SEMA3A: variants seen among roughly 807,000 people sequenced by gnomAD.
SEMA3A encodes the protein semaphorin 3A.
A neutral mutation model predicts 97.9 loss-of-function variants in SEMA3A; 29 were observed. The observed-to-expected ratio is 0.30, with a 90% CI of 0.22 to 0.40. The LOEUF is 0.40. Among genes scored for constraint, SEMA3A ranks in the 10% least tolerant of loss-of-function variants. The pLI, the probability that SEMA3A is intolerant of heterozygous loss-of-function variation, is 1.00. For synonymous variants in SEMA3A, 321 were observed against 323.7 expected (o/e 0.99, Z 0.09); for missense variants, 763 against 951.3 (o/e 0.80, Z 2.60).
chr7:84,378,996 G>A (rs375245075), intron 1 of SEMA3A, among the ~76,000 whole-genome samples: 3 of 151,464 alleles, frequency 2.0e-5, no homozygotes, highest in Non-Finnish European at 4.4e-5. Flanking sequence ...GCACAATCTC[G>A]GCTCACTTGC....
intron 5 of SEMA3A, among the ~76,000 whole-genome samples, chr7:84,048,255 T>A (rs1018518137): frequency 6.6e-6 from 1 of 151,982 alleles, no homozygotes; most frequent in Non-Finnish European, 1.5e-5. Flanking sequence ...TAAATCTGAA[T>A]TGCTCTCACT....
intron 3 of SEMA3A, among the ~76,000 whole-genome samples, chr7:84,229,882 T>A (rs1160888268): frequency 6.6e-6 from 1 of 151,908 alleles, no homozygotes; most frequent in Non-Finnish European, 1.5e-5. Flanking sequence ...AACTTCCTTG[T>A]CCTCATATGT....
chr7:84,419,752 A>G lies in SEMA3A; in HGVS notation c.-245-47852T>C, dbSNP rs74357428. 4.0e-3 allele frequency among the ~76,000 whole-genome samples: 602 copies of G among 152,234 alleles called. 6 individuals are homozygous for G. The highest frequency in any genetic ancestry group is 0.014 in the African/African-American group (579 of 41,560). ...GGGTGATCTCTATCTGAGAAGTGCA[A>G]TAACTAAATTGAAAATTTCGCTAGG... On this transcript the variant is annotated intron_variant, in intron 1 of 3. Coordinates refer to the SEMA3A transcript ENST00000424555.
chr7:84,317,430 G>A (rs1461899528), intron 2 of SEMA3A, among the ~76,000 whole-genome samples: 3 of 152,118 alleles, frequency 2.0e-5, no homozygotes, highest in Non-Finnish European at 2.9e-5. Flanking sequence ...CCCTATCTAG[G>A]TGTTGAAGTA....
intron 3 of SEMA3A, among the ~76,000 whole-genome samples, chr7:84,285,682 C>T (rs1800563394): frequency 6.6e-6 from 1 of 152,084 alleles, no homozygotes; most frequent in African/African-American, 2.4e-5. Flanking sequence ...CATGGTGGCT[C>T]ATGCCTCTAT....
At chr7:84,077,034 A>G (rs1583924536) in intron 4 of SEMA3A, among the ~76,000 whole-genome samples, 2 of 152,130 alleles carry the variant, frequency 1.3e-5, no homozygotes, top group South Asian at 4.1e-4. Flanking sequence ...CTGCCATGGT[A>G]TAATTATTCA....
At chr7:84,151,689 A>G (rs1224489057) in intron 1 of SEMA3A, among the ~76,000 whole-genome samples, 2 of 152,222 alleles carry the variant, frequency 1.3e-5, no homozygotes, top group South Asian at 2.1e-4. Flanking sequence ...GACAAAATTG[A>G]CAAATGGGAT....
intron 1 of SEMA3A, among the ~76,000 whole-genome samples, chr7:84,468,813 TTTTC>T (rs1320666787): frequency 1.3e-5 from 2 of 151,516 alleles, no homozygotes; most frequent in African/African-American, 4.9e-5. Flanking sequence ...ATAGTTTTTA[TTTTC>T]TTTTTTTTTT....
intron 1 of SEMA3A, among the ~76,000 whole-genome samples, chr7:84,191,865 C>T (rs1433440942): frequency 6.6e-6 from 1 of 151,840 alleles, no homozygotes; most frequent in Non-Finnish European, 1.5e-5. Context: ...TGGTCCTGAA[C>T]ACATCTATTC....
intron 3 of SEMA3A, among the ~76,000 whole-genome samples, chr7:84,125,719 G>A (rs185450930): frequency 3.2e-4 from 48 of 152,308 alleles, no homozygotes; most frequent in Non-Finnish European, 5.9e-4. Context: ...GGCAAAGATA[G>A]AGAGGGAGAG....
At chr7:83,988,364 C>A (rs1789726496) in intron 12 of SEMA3A, among the ~76,000 whole-genome samples, 1 of 151,870 alleles carries the variant, frequency 6.6e-6, no homozygotes, top group Non-Finnish European at 1.5e-5. Flanking sequence ...GTAGCTGGGA[C>A]TACAGGCGCC....
chr7:84,408,757 A>T (rs1479603684), intron 1 of SEMA3A, among the ~76,000 whole-genome samples: 1 of 151,816 alleles, frequency 6.6e-6, no homozygotes, highest in Non-Finnish European at 1.5e-5. Context: ...ACATGGATGA[A>T]GCTGGAAACC....
At chr7:84,262,827 T>C (rs1799892165) in intron 3 of SEMA3A, among the ~76,000 whole-genome samples, 1 of 152,182 alleles carries the variant, frequency 6.6e-6, no homozygotes, top group Admixed American at 6.5e-5. Flanking sequence ...GTCTTACATG[T>C]CAGATGAATA....
At chr7:84,012,594 G>A (rs1469582771) in intron 7 of SEMA3A, among the ~76,000 whole-genome samples, 5 of 152,120 alleles carry the variant, frequency 3.3e-5, no homozygotes, top group East Asian at 3.9e-4. Context: ...ACAAAAGCAC[G>A]CTAGCATCAA....
chr7:84,113,989 G>A (rs555646535), intron 3 of SEMA3A, among the ~76,000 whole-genome samples: 1 of 152,090 alleles, frequency 6.6e-6, no homozygotes, highest in East Asian at 1.9e-4. Flanking sequence ...AGAAGAAAAT[G>A]TCTACCCCTA....
chr7:84,384,435 G>T (rs1803349073), intron 1 of SEMA3A, among the ~76,000 whole-genome samples: 1 of 152,096 alleles, frequency 6.6e-6, no homozygotes, highest in African/African-American at 2.4e-5. Context: ...AAGCAGAATT[G>T]TCTAACCATA....
chr7:84,304,730 A>G (rs1015853181), intron 3 of SEMA3A, among the ~76,000 whole-genome samples: 1 of 152,060 alleles, frequency 6.6e-6, no homozygotes, highest in African/African-American at 2.4e-5. Flanking sequence ...TTCACAAGCG[A>G]TCATATCCCT....
At chr7:84,129,915 T>A (rs1057389887) in intron 2 of SEMA3A, among the ~76,000 whole-genome samples, 1 of 152,034 alleles carries the variant, frequency 6.6e-6, no homozygotes, top group South Asian at 2.1e-4. Context: ...TTCCAAAACG[T>A]CCCATATTGT....
At chr7:84,014,866 C>A (rs561981116) in intron 6 of SEMA3A, among the ~76,000 whole-genome samples, 1 of 152,232 alleles carries the variant, frequency 6.6e-6, no homozygotes, top group African/African-American at 2.4e-5. Context: ...ACTAGATACA[C>A]AGGAAAAAAC....
Sources: allele counts gnomAD v4.1 joint callset (sites outside exome capture counted in the v4.1 genomes callset), GRCh38; gene constraint gnomAD v4.1.1; transcripts MANE v1.5; gene names NCBI Gene and HGNC (gene_info 2026-07-23, HGNC 2026-07-21).